The following HS3ST4 variants were observed in gnomAD, a reference collection of about 807,000 sequenced individuals.
HS3ST4 encodes the protein heparan sulfate glucosamine 3-O-sulfotransferase 4.
In HS3ST4, 17 loss-of-function variants were observed where a neutral mutation model predicts 29.2. The ratio of observed to expected loss-of-function variants is 0.58; its 90% confidence interval spans 0.40 to 0.87. The LOEUF is 0.87. Ranked by LOEUF, HS3ST4 falls within the 40% of genes least tolerant of loss-of-function variation. The pLI, the probability that HS3ST4 is intolerant of heterozygous loss-of-function variation, is 0.00. For missense variants in HS3ST4, 627 were observed against 634.5 expected, an observed-to-expected ratio of 0.99 and a Z score of 0.13; for synonymous variants, 314 against 285.7, an observed-to-expected ratio of 1.10 and a Z score of -1.00.
At chr16:25,724,673 T>A (rs1391146653) in intron 1 of HS3ST4, among the ~76,000 whole-genome samples, 1 of 152,148 alleles carries the variant, frequency 6.6e-6, no homozygotes, top group East Asian at 1.9e-4. Flanking sequence ...CCTCAACTTT[T>A]TTTTAAATGT....
intron 1 of HS3ST4, among the ~76,000 whole-genome samples, chr16:26,072,988 C>T (rs1401960644): frequency 1.3e-5 from 2 of 152,122 alleles, no homozygotes; most frequent in Non-Finnish European, 2.9e-5. Context: ...GAGAAAAGAG[C>T]CTGTTTATGA....
chr16:25,810,255 A>G (rs1285669981), intron 1 of HS3ST4, among the ~76,000 whole-genome samples: 1 of 152,092 alleles, frequency 6.6e-6, no homozygotes, highest in Admixed American at 6.5e-5. Flanking sequence ...TTTCTAAATG[A>G]TGAGAGGTTT....
intron 1 of HS3ST4, among the ~76,000 whole-genome samples, chr16:25,771,179 C>T (rs1966841569): frequency 6.6e-6 from 1 of 152,078 alleles, no homozygotes; most frequent in African/African-American, 2.4e-5. Flanking sequence ...GTGATGTTCC[C>T]CTCCCTGTGT....
intron 1 of HS3ST4, among the ~76,000 whole-genome samples, chr16:25,730,769 C>T (rs148261040): frequency 4.6e-5 from 7 of 151,400 alleles, no homozygotes; most frequent in African/African-American, 7.3e-5. Context: ...TCTTTTCCTC[C>T]GTTCTTTACT....
At chr16:25,975,632 C>T (rs1350885147) in intron 1 of HS3ST4, among the ~76,000 whole-genome samples, 1 of 152,150 alleles carries the variant, frequency 6.6e-6, no homozygotes, top group African/African-American at 2.4e-5. Flanking sequence ...GAGCCAGCAT[C>T]ATTTCTTGCC....
chr16:25,734,813 C>T (rs1276172131), intron 1 of HS3ST4, among the ~76,000 whole-genome samples: 1 of 152,126 alleles, frequency 6.6e-6, no homozygotes, highest in African/African-American at 2.4e-5. Context: ...TAAGGAGTCA[C>T]CTGATGGTGG....
At chr16:26,054,274 G>A (rs558930993) in intron 1 of HS3ST4, among the ~76,000 whole-genome samples, 3 of 141,140 alleles carry the variant, frequency 2.1e-5, no homozygotes, top group Admixed American at 6.8e-5. Flanking sequence ...GAGAGGGAGA[G>A]AGAGAGAGAG....
intron 1 of HS3ST4, among the ~76,000 whole-genome samples, chr16:25,993,550 T>A (rs1328412781): frequency 6.6e-6 from 1 of 152,026 alleles, no homozygotes; most frequent in Non-Finnish European, 1.5e-5. Context: ...TAAGCTCCAC[T>A]TTTACTTACT....
chr16:25,858,375 T>G (rs1007518085), intron 1 of HS3ST4, among the ~76,000 whole-genome samples: 2 of 152,198 alleles, frequency 1.3e-5, no homozygotes, highest in Non-Finnish European at 2.9e-5. Flanking sequence ...TATCAATACA[T>G]TCTGTAAATT....
chr16:25,870,065 T>C (rs1335856571), intron 1 of HS3ST4, among the ~76,000 whole-genome samples: 1 of 150,634 alleles, frequency 6.6e-6, no homozygotes, highest in Non-Finnish European at 1.5e-5. Flanking sequence ...AGCGCCATCA[T>C]TCATCCACTT....
intron 1 of HS3ST4, among the ~76,000 whole-genome samples, chr16:26,116,572 A>G (rs916190717): frequency 6.0e-5 from 9 of 149,966 alleles, no homozygotes; most frequent in Middle Eastern, 3.4e-3. Flanking sequence ...AAAGAAAAAT[A>G]TTGAGTCCAT....
At chr16:25,797,852 T>C (rs1203853362) in intron 1 of HS3ST4, among the ~76,000 whole-genome samples, 1 of 152,234 alleles carries the variant, frequency 6.6e-6, no homozygotes, top group Admixed American at 6.5e-5. Flanking sequence ...CCCTCAAGGA[T>C]GCTGGCTAGA....
intron 1 of HS3ST4, among the ~76,000 whole-genome samples, chr16:26,040,319 G>A (rs1346123960): frequency 2.1e-5 from 3 of 143,814 alleles, no homozygotes; most frequent in Non-Finnish European, 3.0e-5. Flanking sequence ...TTTTTGAGAC[G>A]GAGTTTCACT....
intron 1 of HS3ST4, among the ~76,000 whole-genome samples, chr16:25,742,725 C>T (rs769572230): frequency 1.3e-5 from 2 of 152,200 alleles, no homozygotes; most frequent in African/African-American, 2.4e-5. Flanking sequence ...TTTTGTTTTA[C>T]TCTCAGCATG....
chr16:25,811,843 A>G lies in HS3ST4; in HGVS notation c.734+118692A>G, dbSNP rs115922156. 5.1e-3 allele frequency among the ~76,000 whole-genome samples: 775 copies of G among 152,326 alleles called. 8 individuals are homozygous for G. The highest frequency in any genetic ancestry group is 0.017 in the African/African-American group (700 of 41,562). On this transcript the variant is annotated intron_variant, in intron 1 of 1. Transcript: ENST00000331351. ...ATGTTATTAGTAAGACTTCCAGTCAATGATAGAGTATTAGTAGTTAAGTTT... is the reference window on the plus strand; with the variant it reads ...ATGTTATTAGTAAGACTTCCAGTCAGTGATAGAGTATTAGTAGTTAAGTTT...
At position 25,916,673 on chromosome 16, in the gene HS3ST4, CTTT is replaced by C. The variant is rs34339195; in HGVS notation, c.735-218917_735-218915del. ...CACCGTGCCCAGCCTCAAATGCATT[CTTT>C]TTTTTTTTTTTTTTTTTTTTTGAGA... On this transcript the variant is annotated intron_variant, in intron 1 of 1. Coordinates refer to ENST00000331351, the MANE Select transcript of HS3ST4 (RefSeq NM_006040.3). Among the ~76,000 whole-genome samples, 10 of 92,172 alleles carry C rather than the reference CTTT, an allele frequency of 1.1e-4. No homozygotes were observed. In the South Asian group the frequency reaches 3.3e-3, roughly 31 times the overall value. The allele number at this position is 92,172 out of a possible 152,430, so 60.5% of individuals were successfully genotyped here.
chr16:25,810,153 A>G (rs1262033365), intron 1 of HS3ST4, among the ~76,000 whole-genome samples: 3 of 142,284 alleles, frequency 2.1e-5, no homozygotes, highest in Non-Finnish European at 4.8e-5. Context: ...TAACATATGT[A>G]GTTACGGTGT....
intron 1 of HS3ST4, among the ~76,000 whole-genome samples, chr16:25,948,929 G>C (rs1968657116): frequency 6.6e-6 from 1 of 152,074 alleles, no homozygotes; most frequent in Admixed American, 6.6e-5. Context: ...TAAATTCTGG[G>C]GTCTGAGGAT....
At chr16:26,014,898 C>T (rs1386897134) in intron 1 of HS3ST4, among the ~76,000 whole-genome samples, 2 of 152,160 alleles carry the variant, frequency 1.3e-5, no homozygotes, top group Non-Finnish European at 2.9e-5. Context: ...AGAGCTCTTT[C>T]CACCACACCT....
Sources: allele counts gnomAD v4.1 joint callset (sites outside exome capture counted in the v4.1 genomes callset), GRCh38; gene constraint gnomAD v4.1.1; transcripts MANE v1.5; gene names NCBI Gene and HGNC (gene_info 2026-07-23, HGNC 2026-07-21).